The following GULP1 variants were observed in gnomAD, a reference collection of about 807,000 sequenced individuals.
GULP1 encodes the protein PTB domain-containing engulfment adapter protein 1.
In GULP1, 19 loss-of-function variants were observed where a neutral mutation model predicts 40.9. The ratio of observed to expected loss-of-function variants is 0.46; its 90% CI spans 0.32 to 0.68. The LOEUF (loss-of-function observed/expected upper bound fraction) is 0.68. GULP1 is among the 30% of genes least tolerant of loss of function. The pLI, the probability that GULP1 is intolerant of heterozygous loss-of-function variation, is 0.03. For missense variants in GULP1, 312 were observed against 362.2 expected (o/e 0.86, Z 1.12); for synonymous variants, 119 against 117.6 (o/e 1.01, Z -0.08).
chr2:188,498,786 AC>A (rs1559311724), intron 4 of GULP1, among the ~76,000 whole-genome samples: 1 of 151,776 alleles, frequency 6.6e-6, no homozygotes, highest in Non-Finnish European at 1.5e-5. Flanking sequence ...TATGCAAATT[AC>A]CCTGATCTGA....
At chr2:188,319,905 G>A (rs1017457902) in intron 1 of GULP1, among the ~76,000 whole-genome samples, 1 of 151,970 alleles carries the variant, frequency 6.6e-6, no homozygotes, top group Non-Finnish European at 1.5e-5. Flanking sequence ...TATGTTTGAT[G>A]GTGATAAGTT....
chr2:188,537,233 G>A (rs899336226), intron 6 of GULP1, among the ~76,000 whole-genome samples: 1 of 151,966 alleles, frequency 6.6e-6, no homozygotes, highest in African/African-American at 2.4e-5. Context: ...TGGAATAGGA[G>A]TGATGAGAGT....
At chr2:188,455,123 T>G (rs79387003) in intron 2 of GULP1, among the ~76,000 whole-genome samples, 3,071 of 152,046 alleles carry the variant, frequency 0.02, 99 homozygotes, top group African/African-American at 0.07. Flanking sequence ...CAGAGTGAGA[T>G]CCTGTCTTCA....
At chr2:188,311,395 C>T (rs1203843587) in intron 1 of GULP1, among the ~76,000 whole-genome samples, 1 of 152,096 alleles carries the variant, frequency 6.6e-6, no homozygotes, top group Non-Finnish European at 1.5e-5. Context: ...CGGGGTTTCA[C>T]CATGTTGGTC....
rs1475824309 is a variant in GULP1 at position 188,422,348 on chromosome 2, T to A, written c.-45+38459T>A. ...GATTGGTTAATTTCTAAGAACTAGT[T>A]CAATTGCAATTGTACTTGCACAGGT... On this transcript the variant is annotated intron_variant, in intron 2 of 11. Transcript: ENST00000409830. Among the ~76,000 whole-genome samples, 18 of 151,576 alleles carry A rather than the reference T, an allele frequency of 1.2e-4. No individual in the cohort carries two copies. The East Asian group carries it at 3.5e-3, about 29-fold the overall frequency.
intron 9 of GULP1, among the ~76,000 whole-genome samples, chr2:188,577,215 A>C (rs577206447): frequency 6.6e-6 from 1 of 152,214 alleles, no homozygotes; most frequent in East Asian, 1.9e-4. Flanking sequence ...GTTAGATAAA[A>C]TTATTTCTTT....
At chr2:188,553,262 TCGTAGAGGAAAGGCTTTC>T (rs1383666175) in intron 7 of GULP1, among the ~76,000 whole-genome samples, 1 of 151,990 alleles carries the variant, frequency 6.6e-6, no homozygotes, top group Non-Finnish European at 1.5e-5. Flanking sequence ...TTGTTCCAGT[TCGTAGAGGAAAGGCTTTC>T]AACATTTCTT....
intron 2 of GULP1, among the ~76,000 whole-genome samples, chr2:188,453,701 T>C (rs1395938883): frequency 6.6e-6 from 1 of 152,224 alleles, no homozygotes; most frequent in Non-Finnish European, 1.5e-5. Flanking sequence ...TCTGCATAAC[T>C]TGCTCAAAAG....
At chr2:188,541,415 T>G (rs1231692263) in intron 7 of GULP1, 97 bp downstream of exon 7, 16 of 994,138 alleles carry the variant, frequency 1.6e-5, no homozygotes, top group Admixed American at 5.1e-5. Flanking sequence ...AATGAATAAT[T>G]TTCTGTAAAT....
rs140950076 is a variant in GULP1, at chr2:188,522,601, A to G, written c.91-155A>G. 110 of 218,182 alleles carry G rather than the reference A, an allele frequency of 5.0e-4. No homozygotes were observed. In the East Asian group the frequency reaches 0.011, roughly 22 times the overall value. 13.5% of individuals were successfully genotyped at this position (218,182 alleles called of 1,614,324 possible). ...TGATAAAGTTTAGTTACATTTTCAT[A>G]TAATATAAAAATAATATAAAATAAT... On this transcript the variant is annotated intron_variant, in intron 4 of 11. Transcript: ENST00000409830.
chr2:188,378,339 A>G (rs2048568897), intron 1 of GULP1, among the ~76,000 whole-genome samples: 1 of 152,124 alleles, frequency 6.6e-6, no homozygotes. Context: ...AAAAAAAATT[A>G]TAAGGTGGCA....
intron 3 of GULP1, among the ~76,000 whole-genome samples, chr2:188,482,571 G>GCCAATCT (rs1375648185): frequency 2.0e-5 from 3 of 151,642 alleles, no homozygotes; most frequent in Non-Finnish European, 4.4e-5. Context: ...TTCAAAAAAA[G>GCCAATCT]CCAATCTGTT....
At chr2:188,349,868 G>T (rs2044203706) in intron 1 of GULP1, among the ~76,000 whole-genome samples, 1 of 152,048 alleles carries the variant, frequency 6.6e-6, no homozygotes, top group African/African-American at 2.4e-5. Context: ...ATAAACTATT[G>T]TCAGTGAAAT....
chr2:188,426,915 A>G (rs948343938), intron 2 of GULP1, among the ~76,000 whole-genome samples: 1 of 152,174 alleles, frequency 6.6e-6, no homozygotes, highest in Admixed American at 6.5e-5. Context: ...AATTGTTGTG[A>G]CCAAAATGCT....
At chr2:188,375,827 G>T (rs2048222308) in intron 1 of GULP1, among the ~76,000 whole-genome samples, 1 of 152,042 alleles carries the variant, frequency 6.6e-6, no homozygotes, top group Non-Finnish European at 1.5e-5. Context: ...TGTTTCTATT[G>T]ATCTTGGTGC....
intron 7 of GULP1, among the ~76,000 whole-genome samples, chr2:188,547,563 A>T (rs139943830): frequency 0.012 from 1,813 of 152,226 alleles, 15 homozygotes; most frequent in East Asian, 0.02. Context: ...TAGCCTTTTC[A>T]TGTTTTTCTG....
Position 188,503,650 on chromosome 2 carries a change from C to T in GULP1, c.91-19106C>T, listed in dbSNP as rs2063644593. 2.6e-5 allele frequency among the ~76,000 whole-genome samples: 4 copies of T among 151,798 alleles called. No individual in the cohort carries two copies. The South Asian group carries it at 8.3e-4, about 31-fold the overall frequency. On this transcript the variant is annotated intron_variant, in intron 4 of 11. Transcript: ENST00000409830. ...GCCCAAGTCAATTCTTCCAATGTGG[C>T]CCAGGGAGGCCAAAAGATTGGACAC...
chr2:188,422,398 A>G (rs2055565645), intron 2 of GULP1, among the ~76,000 whole-genome samples: 1 of 151,054 alleles, frequency 6.6e-6, no homozygotes, highest in South Asian at 2.1e-4. Context: ...ATACACACAC[A>G]CATATACATA....
chr2:188,346,851 A>T (rs74481224), intron 1 of GULP1, among the ~76,000 whole-genome samples: 1 of 151,316 alleles, frequency 6.6e-6, no homozygotes, highest in Admixed American at 6.6e-5. Flanking sequence ...GGCGCCTGTA[A>T]TCCCAACTAC....
Sources: allele counts gnomAD v4.1 joint callset (sites outside exome capture counted in the v4.1 genomes callset), GRCh38; gene constraint gnomAD v4.1.1; transcripts MANE v1.5; gene names NCBI Gene and HGNC (gene_info 2026-07-23, HGNC 2026-07-21).